Variants in UVSSA observed in about 807,000 individuals in gnomAD.
UVSSA encodes the protein UV-stimulated scaffold protein A.
In UVSSA, 72 loss-of-function variants were observed where a neutral mutation model predicts 73.9. The observed-to-expected ratio is 0.97, with a 90% CI of 0.81 to 1.19. The LOEUF is 1.19. Among genes scored for constraint, UVSSA ranks in the 50% most tolerant of loss-of-function variants. The pLI is 0.00. For missense variants in UVSSA, 1,150 were observed against 965.0 expected, an observed-to-expected ratio of 1.19 and a Z score of -2.54; for synonymous variants, 454 against 391.3, an observed-to-expected ratio of 1.16 and a Z score of -1.89.
chr4:1,392,051 C>T (rs1311619188), downstream of UVSSA: 1 of 152,154 alleles, frequency 6.6e-6, no homozygotes, highest in African/African-American at 2.4e-5. Context: ...ATTTAATTCT[C>T]TTGTAACATT....
exon 14 of UVSSA, chr4:1,394,149 A>T: frequency 2.5e-6 from 1 of 395,494 alleles, no homozygotes. Context: ...AGGGCAGCTC[A>T]GGTTCCTCTC....
chr4:1,376,088 G>A lies in UVSSA; in HGVS notation c.1488G>A (p.Arg496=), dbSNP rs750519785. Residue 496 remains arginine (R), a synonymous_variant, in exon 10 of 14, where the codon CGG becomes CGA. Transcript: ENST00000389851. Reference sequence around the variant, plus strand: ...AGGCCCAGAAGCTGGCAGCAGAGCGGGCCCGGGCGCCTGTGGTGCCCTACG... The same window carrying A: ...AGGCCCAGAAGCTGGCAGCAGAGCGAGCCCGGGCGCCTGTGGTGCCCTACG... ...PQEAQKLAAE[R]ARAPVVPYGV... The A allele has an allele frequency of 6.2e-7, 1 of 1,603,428 alleles. No homozygotes were observed. The highest frequency in any genetic ancestry group is 8.5e-7 in the Non-Finnish European group (1 of 1,175,592).
chr4:1,391,296 T>C (rs985804031), downstream of UVSSA: 2 of 152,624 alleles, frequency 1.3e-5, no homozygotes, highest in African/African-American at 4.8e-5. Context: ...TATAGAAGCC[T>C]GTTGGGTCTG....
intron 12 of UVSSA, among the ~76,000 whole-genome samples, chr4:1,382,577 C>T (rs561917153): frequency 7.9e-5 from 12 of 152,306 alleles, no homozygotes; most frequent in South Asian, 6.2e-4. Flanking sequence ...TGCTGGGTGC[C>T]GGGGCTTTTT....
exon 14 of UVSSA, chr4:1,394,706 T>C (rs760283848): frequency 1.3e-6 from 2 of 1,593,230 alleles, no homozygotes; most frequent in South Asian, 2.2e-5. Flanking sequence ...AGTGCCCGCC[T>C]GCTCACACAC....
intron 8 of UVSSA, 38 bp from the exon 9 acceptor site, chr4:1,375,326 G>A (rs2109264416): frequency 6.2e-7 from 1 of 1,609,096 alleles, no homozygotes; most frequent in Middle Eastern, 1.7e-4. Flanking sequence ...GGCGGGTTGT[G>A]GGAGTGGTGG....
intron 8 of UVSSA, among the ~76,000 whole-genome samples, chr4:1,368,058 G>A (rs1717570016): frequency 1.3e-5 from 2 of 152,274 alleles, no homozygotes; most frequent in Admixed American, 6.5e-5. Flanking sequence ...CATGGTGGAA[G>A]CACAGAGGTG....
chr4:1,352,434 G>A (rs1714925196), intron 4 of UVSSA, among the ~76,000 whole-genome samples: 1 of 152,232 alleles, frequency 6.6e-6, no homozygotes, highest in Non-Finnish European at 1.5e-5. Context: ...CAGGCAGCTG[G>A]GTGCCCAGAC....
In UVSSA at chr4:1,380,140, C is replaced by T. The variant is rs149802815; in HGVS notation, c.1662C>T (p.Ile554=). 1.2e-6 allele frequency: 2 copies of T among 1,613,156 alleles called. No individual in the cohort carries two copies. Among genetic ancestry groups the T allele is most frequent in the African/African-American group, 2.7e-5 (2 of 74,928 alleles). Residue 554 remains isoleucine, a synonymous_variant, in exon 11 of 14, where the codon ATC becomes ATT. Coordinates refer to ENST00000389851, the MANE Select transcript of UVSSA (RefSeq NM_020894.4). ...DISEMLRSRH[I]TFAGKFEPVQ... The stretch of plus-strand genomic sequence containing the variant: ...CCGAGATGCTCCGGAGCCGCCACAT[C>T]ACTTTTGCCGGGAAGTTTGAGCCTG...
chr4:1,351,170 A>T (rs1029208703), intron 3 of UVSSA, among the ~76,000 whole-genome samples: 3 of 151,744 alleles, frequency 2.0e-5, no homozygotes, highest in African/African-American at 7.3e-5. Context: ...GGTTCACGCC[A>T]TTCTCCTGCC....
At position 1,387,661 on chromosome 4, in the gene UVSSA, G is replaced by T. The variant is rs1720239122; in HGVS notation, c.*1700G>T. On this transcript the variant is annotated 3_prime_UTR_variant, in exon 14 of 14. Coordinates refer to ENST00000389851, the MANE Select transcript of UVSSA (RefSeq NM_020894.4). ...AAGAGCCCACATTCTTTTGCATGTG[G>T]ATATCCAGTTGTCCCAGCACCATTT... The T allele has an allele frequency of 6.6e-6, 1 of 151,976 alleles. No individual in the cohort carries two copies. Among genetic ancestry groups the T allele is most frequent in the Admixed American group, 6.6e-5 (1 of 15,254 alleles). 9.4% of individuals were successfully genotyped at this position (151,976 alleles called of 1,614,324 possible). A position where few individuals can be genotyped will look rare whatever the true frequency, so the allele number is the denominator to read the frequency against.
At chr4:1,366,058 T>A in intron 7 of UVSSA, 1 of 265,812 alleles carries the variant, frequency 3.8e-6, no homozygotes, top group Non-Finnish European at 7.1e-6. Flanking sequence ...ACCTGGGGAG[T>A]CAGCCAGGGT....
chr4:1,349,952 C>G lies in UVSSA; in HGVS notation c.429+98C>G, dbSNP rs1020677822. 3 of 1,169,312 alleles carry G rather than the reference C, an allele frequency of 2.6e-6. No individual in the cohort carries two copies. The African/African-American group carries it at 4.7e-5, about 18-fold the overall frequency. 72.4% of individuals were successfully genotyped at this position (1,169,312 alleles called of 1,614,324 possible). ...GATGCGCCTCCTGTTGAACCTAGCA[C>G]AGCAGGGGCCTGCTTGGCCTTGCCT... On this transcript the variant is annotated intron_variant, in intron 3 of 13. Coordinates refer to ENST00000389851, the MANE Select transcript of UVSSA (RefSeq NM_020894.4).
At chr4:1,375,601 G>T in intron 9 of UVSSA, 93 bp downstream of exon 9, 1 of 1,514,972 alleles carries the variant, frequency 6.6e-7, no homozygotes, top group Non-Finnish European at 8.8e-7. Context: ...GCTGCTTAGT[G>T]CCTTTTCTGG....
At chr4:1,349,135 A>G (rs544821934) in intron 2 of UVSSA, among the ~76,000 whole-genome samples, 1 of 92,548 alleles carries the variant, frequency 1.1e-5, no homozygotes, top group Admixed American at 1.1e-4. Flanking sequence ...AAAGAGCCAG[A>G]TGGTTTGTGT....
chr4:1,376,278 C>A, intron 10 of UVSSA, 110 bp downstream of exon 10: 1 of 1,403,986 alleles, frequency 7.1e-7, no homozygotes, highest in Non-Finnish European at 9.3e-7. Context: ...GCTGGCCCTG[C>A]CTCCCAGCTC....
At chr4:1,374,887 A>G (rs11945799) in intron 8 of UVSSA, 25,427 of 168,108 alleles carry the variant, frequency 0.15, 3,785 homozygotes, top group East Asian at 0.44. Context: ...CTCCTTGAGG[A>G]CCATGTGAGC....
chr4:1,350,639 A>G (rs1714561332), intron 3 of UVSSA, among the ~76,000 whole-genome samples: 1 of 152,104 alleles, frequency 6.6e-6, no homozygotes, highest in South Asian at 2.1e-4. Context: ...GTTGTAATGC[A>G]CTGTGAACAC....
At chr4:1,394,957 C>G (rs1354669810) in exon 14 of UVSSA, 4 of 1,565,940 alleles carry the variant, frequency 2.6e-6, no homozygotes, top group Non-Finnish European at 3.4e-6. Context: ...CCCGCCTGCT[C>G]ACACGTGCCC....
Sources: allele counts gnomAD v4.1 joint callset (sites outside exome capture counted in the v4.1 genomes callset), GRCh38; gene constraint gnomAD v4.1.1; transcripts MANE v1.5; gene names NCBI Gene and HGNC (gene_info 2026-07-23, HGNC 2026-07-21).